The following JAK2 variants were observed in gnomAD, a reference collection of about 807,000 sequenced individuals.
JAK2 encodes Janus kinase 2, also known as tyrosine-protein kinase JAK2.
JAK2 carries 86 observed loss-of-function variants against 139.3 expected under a neutral mutation model. The ratio of observed to expected loss-of-function variants is 0.62; its 90% CI spans 0.52 to 0.74. The LOEUF is 0.74. Ranked by LOEUF, JAK2 falls within the 30% of genes least tolerant of loss-of-function variation. The pLI, the probability that JAK2 is intolerant of heterozygous loss-of-function variation, is 0.00. For synonymous variants in JAK2, 490 were observed against 437.7 expected (o/e 1.12, Z -1.49); for missense variants, 1,421 against 1,360.3 (o/e 1.04, Z -0.70).
intron 2 of JAK2, among the ~76,000 whole-genome samples, chr9:5,000,154 GT>G (rs927620801): frequency 3.6e-4 from 53 of 149,200 alleles, no homozygotes; most frequent in Admixed American, 1.3e-3. Context: ...TATTTTTTCT[GT>G]TTTTTTTTAA....
At chr9:5,034,222 A>T (rs1403746712) in intron 4 of JAK2, among the ~76,000 whole-genome samples, 1 of 152,196 alleles carries the variant, frequency 6.6e-6, no homozygotes, top group Non-Finnish European at 1.5e-5. Flanking sequence ...CCAATACAGG[A>T]GCACCCAGAT....
chr9:5,064,901 T>A lies in JAK2; in HGVS notation c.1075T>A (p.Leu359Ile), dbSNP rs1331900551. 1.1e-5 allele frequency: 17 copies of A among 1,588,186 alleles called. No individual in the cohort carries two copies. The African/African-American group carries it at 1.6e-4, about 15-fold the overall frequency. ...GKNLEIELSS[L>I]REALSFVSLI... ...TGCTTAGGAAATTGAACTTAGCTCA[T>A]TAAGGGAAGCTTTGTCTTTCGTGTC... The change falls in exon 9 of 25, where the codon TTA (leucine) becomes ATA (isoleucine). Residue 359 changes from leucine (L) to isoleucine (I), a missense_variant. Coordinates refer to ENST00000381652, the MANE Select transcript of JAK2 (RefSeq NM_004972.4).
At chr9:5,006,169 T>C (rs1472226871) in intron 2 of JAK2, among the ~76,000 whole-genome samples, 1 of 152,134 alleles carries the variant, frequency 6.6e-6, no homozygotes, top group Non-Finnish European at 1.5e-5. Context: ...TTTTATTTCA[T>C]TGAGCAGTGG....
chr9:5,061,834 T>C (rs568296956), intron 8 of JAK2, among the ~76,000 whole-genome samples: 2 of 151,938 alleles, frequency 1.3e-5, no homozygotes, highest in African/African-American at 2.4e-5. Context: ...CTTAATCATT[T>C]CTAGCTTTTG....
chr9:5,114,139 C>T (rs964887221), intron 22 of JAK2: 2 of 392,188 alleles, frequency 5.1e-6, no homozygotes, highest in Non-Finnish European at 5.1e-6. Context: ...CAAGGTAACA[C>T]CTTTGAGGAC....
chr9:5,075,654 C>T (rs1819260970), intron 14 of JAK2, among the ~76,000 whole-genome samples: 1 of 152,176 alleles, frequency 6.6e-6, no homozygotes, highest in Admixed American at 6.5e-5. Flanking sequence ...ATTGACAATG[C>T]ACCTGGTCAC....
intron 19 of JAK2, among the ~76,000 whole-genome samples, chr9:5,087,694 T>C (rs1820240466): frequency 6.6e-6 from 1 of 152,210 alleles, no homozygotes; most frequent in Non-Finnish European, 1.5e-5. Flanking sequence ...ATATACATTT[T>C]CCCACTGCTT....
Position 5,128,683 on chromosome 9 carries a change from C to G in JAK2, c.*1892C>G. On this transcript the variant is annotated 3_prime_UTR_variant, in exon 25 of 25. Coordinates refer to ENST00000381652, the MANE Select transcript of JAK2 (RefSeq NM_004972.4). The stretch of plus-strand genomic sequence containing the variant: ...CATTCTTGTTTTTAGAATGGGGTGA[C>G]TACCTTATTATAAAATTCCAAGTTT... 6.6e-6 allele frequency among the ~76,000 whole-genome samples: 1 copy of G among 151,866 alleles called. No individual in the cohort carries two copies. Among genetic ancestry groups the G allele is most frequent in the East Asian group, 1.9e-4 (1 of 5,192 alleles).
At chr9:5,101,219 A>G (rs1236051153) in intron 22 of JAK2, among the ~76,000 whole-genome samples, 2 of 152,240 alleles carry the variant, frequency 1.3e-5, no homozygotes, top group East Asian at 3.8e-4. Flanking sequence ...ATGGCACACC[A>G]GGAGATTATA....
rs1304865799 is a variant in JAK2, at chr9:5,036,468, T to C, written c.350+6562T>C. The stretch of plus-strand genomic sequence containing the variant: ...AGCTGGAGGCATCACGCTACCTGAC[T>C]TCAAACTATACTACAAGGCTACAGT... On this transcript the variant is annotated intron_variant, in intron 4 of 24. Coordinates refer to ENST00000381652, the MANE Select transcript of JAK2 (RefSeq NM_004972.4). 9.8e-5 allele frequency among the ~76,000 whole-genome samples: 15 copies of C among 152,300 alleles called. No individual in the cohort carries two copies. In the East Asian group the frequency reaches 2.9e-3, roughly 29 times the overall value.
In JAK2 at chr9:5,044,395, T is replaced by A. The variant is rs761305442; in HGVS notation, c.351-8T>A. On this transcript the variant is annotated splice_polypyrimidine_tract_variant and splice_region_variant and intron_variant, in intron 4 of 24. Coordinates refer to ENST00000381652, the MANE Select transcript of JAK2 (RefSeq NM_004972.4). ...GGAAGCTGACCAAATGTTTTTATTA[T>A]CTTGTAGATTTTACTTTCCTCGTTG... 6.4e-7 allele frequency: 1 copy of A among 1,570,258 alleles called. No individual in the cohort carries two copies. The highest frequency in any genetic ancestry group is 8.8e-7 in the Non-Finnish European group (1 of 1,140,808).
rs148610527 is a variant in JAK2 at position 5,089,310 on chromosome 9, G to T, written c.2572-364G>T. Among the ~76,000 whole-genome samples the T allele has an allele frequency of 6.5e-3, 991 of 152,116 alleles. 6 individuals are homozygous for T. Among genetic ancestry groups the T allele is most frequent in the African/African-American group, 0.022 (912 of 41,508 alleles). On this transcript the variant is annotated intron_variant, in intron 19 of 24. Coordinates refer to ENST00000381652, the MANE Select transcript of JAK2 (RefSeq NM_004972.4). ...TCCCAGCACTTTGGGAGGCCGAGTT[G>T]GGTGGATCACCAGGTCAGGAGATCA...
intron 2 of JAK2, among the ~76,000 whole-genome samples, chr9:4,998,078 A>G (rs1164995246): frequency 6.6e-6 from 1 of 152,212 alleles, no homozygotes; most frequent in African/African-American, 2.4e-5. Context: ...TTGAATATCA[A>G]TAGCAGAGGG....
At chr9:5,060,135 A>G (rs981568067) in intron 8 of JAK2, among the ~76,000 whole-genome samples, 10 of 152,178 alleles carry the variant, frequency 6.6e-5, no homozygotes, top group Admixed American at 3.3e-4. Context: ...TTAAAAATTA[A>G]TTTAAAACAC....
At chr9:5,043,011 C>G (rs1268834372) in intron 4 of JAK2, among the ~76,000 whole-genome samples, 1 of 152,204 alleles carries the variant, frequency 6.6e-6, no homozygotes, top group Non-Finnish European at 1.5e-5. Context: ...TGGCGTCGCG[C>G]GGCTCGGCCC....
intron 4 of JAK2, among the ~76,000 whole-genome samples, chr9:5,032,014 A>T (rs1429592275): frequency 3.3e-5 from 5 of 152,254 alleles, no homozygotes; most frequent in Admixed American, 3.3e-4. Context: ...TCCTAGTCAA[A>T]GAAAGGGGTG....
intron 20 of JAK2, among the ~76,000 whole-genome samples, chr9:5,090,136 A>G (rs1276424570): frequency 6.6e-6 from 1 of 152,248 alleles, no homozygotes; most frequent in Non-Finnish European, 1.5e-5. Flanking sequence ...TTCTATAAAA[A>G]TATTTTTGAA....
At chr9:5,078,910 A>G (rs1351219621) in intron 16 of JAK2, among the ~76,000 whole-genome samples, 1 of 152,164 alleles carries the variant, frequency 6.6e-6, no homozygotes, top group Admixed American at 6.5e-5. Context: ...GTTCATCTTT[A>G]CTACTTAACA....
In JAK2 at chr9:5,055,806, T is replaced by C. The variant is rs757688630; in HGVS notation, c.1056+18T>C. The C allele has an allele frequency of 3.8e-6, 6 of 1,598,874 alleles. No homozygotes were observed. The highest frequency in any genetic ancestry group is 1.1e-5 in the South Asian group (1 of 89,972). On this transcript the variant is annotated intron_variant, in intron 8 of 24. Transcript: ENST00000381652. ...AAAATCTGGTAAGTTTGCTTTATGA[T>C]TGAATAATGGTTTCATTTTATAGTT...
Sources: gnomAD v4.1 joint callset for allele counts (sites outside exome capture counted in the v4.1 genomes callset) on GRCh38, gnomAD v4.1.1 for gene constraint, MANE v1.5 for transcripts, NCBI Gene and HGNC (gene_info 2026-07-23, HGNC 2026-07-21) for gene names.